The following ADAMTS3 variants were observed in gnomAD, a reference collection of about 807,000 sequenced individuals.
ADAMTS3 encodes the protein ADAM metallopeptidase with thrombospondin type 1 motif 3.
ADAMTS3 carries 73 observed loss-of-function variants against 129.0 expected under a neutral mutation model. The observed-to-expected ratio is 0.57, with a 90% CI of 0.47 to 0.69. The LOEUF (loss-of-function observed/expected upper bound fraction) is 0.69. Among genes scored for constraint, ADAMTS3 ranks in the 30% least tolerant of loss-of-function variants. The pLI, the probability that ADAMTS3 is intolerant of heterozygous loss-of-function variation, is 0.00. For synonymous variants in ADAMTS3, 477 were observed against 510.8 expected (o/e 0.93, Z 0.89); for missense variants, 1,457 against 1,514.5 (o/e 0.96, Z 0.63).
chr4:72,548,344 A>T, intron 3 of ADAMTS3, 134 bp downstream of exon 3: 1 of 903,356 alleles, frequency 1.1e-6, no homozygotes, highest in Non-Finnish European at 1.6e-6. Context: ...AATGCTTTCT[A>T]GTGTCTTTTT....
intron 3 of ADAMTS3, among the ~76,000 whole-genome samples, chr4:72,479,530 T>C (rs1297724459): frequency 5.3e-5 from 8 of 152,176 alleles, no homozygotes; most frequent in Admixed American, 5.2e-4. Context: ...TTACACCTTA[T>C]ATAAAAGTTA....
At chr4:72,382,913 C>T (rs974770257) in intron 4 of ADAMTS3, among the ~76,000 whole-genome samples, 2 of 152,078 alleles carry the variant, frequency 1.3e-5, no homozygotes, top group South Asian at 2.1e-4. Context: ...GCAAAACTAC[C>T]GGTTAGGTAC....
intron 4 of ADAMTS3, among the ~76,000 whole-genome samples, chr4:72,412,040 A>C (rs1722196620): frequency 6.6e-6 from 1 of 152,124 alleles, no homozygotes. Flanking sequence ...AAATGTAGCT[A>C]GCCAATTACT....
chr4:72,552,651 C>G (rs1321913146), intron 2 of ADAMTS3, among the ~76,000 whole-genome samples: 1 of 152,174 alleles, frequency 6.6e-6, no homozygotes, highest in African/African-American at 2.4e-5. Flanking sequence ...AGTAAAATGG[C>G]TCATAAGGTC....
At chr4:72,427,928 TACAGA>T (rs1485623442) in intron 3 of ADAMTS3, among the ~76,000 whole-genome samples, 2 of 152,068 alleles carry the variant, frequency 1.3e-5, no homozygotes, top group Non-Finnish European at 2.9e-5. Context: ...AATGTTAACG[TACAGA>T]AAAGAGTGGA....
chr4:72,343,850 T>G (rs977055088), intron 4 of ADAMTS3, among the ~76,000 whole-genome samples: 18 of 152,208 alleles, frequency 1.2e-4, no homozygotes, highest in African/African-American at 4.3e-4. Flanking sequence ...TTTAAGCTTC[T>G]CAGAAATATC....
intron 3 of ADAMTS3, among the ~76,000 whole-genome samples, chr4:72,428,900 T>C (rs1322283369): frequency 1.3e-5 from 2 of 152,006 alleles, no homozygotes; most frequent in Non-Finnish European, 1.5e-5. Context: ...ATTCCCATAA[T>C]AAATAATTTA....
intron 4 of ADAMTS3, among the ~76,000 whole-genome samples, chr4:72,366,702 T>C (rs1022010810): frequency 1.3e-5 from 2 of 151,982 alleles, no homozygotes; most frequent in Non-Finnish European, 2.9e-5. Flanking sequence ...GAAACTAATG[T>C]GTCTAGCCAA....
chr4:72,397,996 A>G (rs1478474214), intron 4 of ADAMTS3, among the ~76,000 whole-genome samples: 1 of 152,136 alleles, frequency 6.6e-6, no homozygotes, highest in Non-Finnish European at 1.5e-5. Context: ...AACTGATCAA[A>G]GATAGTAAGG....
chr4:72,474,179 T>C lies in ADAMTS3; in HGVS notation c.505-59208A>G, dbSNP rs557786447. Among the ~76,000 whole-genome samples, 4 of 152,246 alleles carry C rather than the reference T, an allele frequency of 2.6e-5. No homozygotes were observed. In the South Asian group the frequency reaches 6.2e-4, roughly 24 times the overall value. ...TATAAGTCAAAAATCACTCGTCATA[T>C]CAAGAACCTGGAAGATCTCAAACTA... On this transcript the variant is annotated intron_variant, in intron 3 of 21. Transcript: ENST00000286657.
chr4:72,287,818 G>C (rs1399878903), intron 21 of ADAMTS3, among the ~76,000 whole-genome samples: 2 of 152,064 alleles, frequency 1.3e-5, no homozygotes, highest in Non-Finnish European at 2.9e-5. Flanking sequence ...AATGGAGGCA[G>C]AAGGAGACAG....
At chr4:72,517,647 A>G (rs1225427931) in intron 3 of ADAMTS3, among the ~76,000 whole-genome samples, 1 of 152,050 alleles carries the variant, frequency 6.6e-6, no homozygotes, top group African/African-American at 2.4e-5. Context: ...GTATTCTCTG[A>G]TGTTAGTTTG....
chr4:72,456,621 C>T (rs1718627375), intron 3 of ADAMTS3, among the ~76,000 whole-genome samples: 1 of 151,010 alleles, frequency 6.6e-6, no homozygotes, highest in African/African-American at 2.4e-5. Context: ...CTTACATCTG[C>T]CAAAAATGCC....
intron 4 of ADAMTS3, among the ~76,000 whole-genome samples, chr4:72,365,818 A>G (rs1340103693): frequency 2.0e-5 from 3 of 152,220 alleles, no homozygotes; most frequent in Non-Finnish European, 2.9e-5. Context: ...ATGTGTGGGG[A>G]AAAATAAATT....
At chr4:72,412,584 A>G (rs975143443) in intron 4 of ADAMTS3, among the ~76,000 whole-genome samples, 2 of 151,990 alleles carry the variant, frequency 1.3e-5, no homozygotes, top group African/African-American at 4.8e-5. Context: ...CAAGATTCTC[A>G]AAAGAAGGTA....
intron 3 of ADAMTS3, among the ~76,000 whole-genome samples, chr4:72,473,385 T>C (rs968530263): frequency 6.6e-6 from 1 of 151,644 alleles, no homozygotes; most frequent in Admixed American, 6.6e-5. Flanking sequence ...AACTCAGAAA[T>C]GTAGACAAAA....
At chr4:72,487,189 A>G (rs1160286609) in intron 3 of ADAMTS3, among the ~76,000 whole-genome samples, 1 of 152,172 alleles carries the variant, frequency 6.6e-6, no homozygotes, top group East Asian at 1.9e-4. Flanking sequence ...TTTTTCACAG[A>G]AAACATGACT....
intron 17 of ADAMTS3, 24 bp downstream of exon 17, chr4:72,303,893 C>T (rs898667633): frequency 6.2e-7 from 1 of 1,611,178 alleles, no homozygotes; most frequent in Non-Finnish European, 8.5e-7. Context: ...GCTAACTATA[C>T]CATGAGCCCA....
chr4:72,415,608 T>C (rs567284670), intron 3 of ADAMTS3, among the ~76,000 whole-genome samples: 4 of 151,982 alleles, frequency 2.6e-5, no homozygotes, highest in South Asian at 2.1e-4. Flanking sequence ...ATATTATATA[T>C]ATATATCCCC....
Sources: allele counts gnomAD v4.1 joint callset (sites outside exome capture counted in the v4.1 genomes callset), GRCh38; gene constraint gnomAD v4.1.1; transcripts MANE v1.5; gene names NCBI Gene and HGNC (gene_info 2026-07-23, HGNC 2026-07-21).